SLAMF9: variants seen among roughly 807,000 people sequenced by gnomAD.
SLAMF9 encodes the protein SLAM family member 9.
In SLAMF9, 25 loss-of-function variants were observed where a neutral mutation model predicts 30.4. The ratio of observed to expected loss-of-function variants is 0.82; its 90% CI spans 0.60 to 1.15. SLAMF9 has a LOEUF of 1.15. Among genes scored for constraint, SLAMF9 ranks in the 50% most tolerant of loss-of-function variants. SLAMF9 has a pLI of 0.00. For synonymous variants in SLAMF9, 129 were observed against 127.2 expected, an observed-to-expected ratio of 1.01 and a Z score of -0.09; for missense variants, 344 against 346.1, an observed-to-expected ratio of 0.99 and a Z score of 0.05.
At chr1:159,976,482 T>G in the SLAMF9 span, among the ~76,000 whole-genome samples, 1 of 152,246 alleles carries the variant, frequency 6.6e-6, no homozygotes, top group Non-Finnish European at 1.5e-5. Context: ...AAGGGAAGAC[T>G]GGGTAACCAA....
At chr1:159,956,684 A>AG (rs1651928661), upstream of SLAMF9, among the ~76,000 whole-genome samples, 8 of 150,506 alleles carry the variant, frequency 5.3e-5, no homozygotes, top group Non-Finnish European at 1.0e-4. Context: ...AAAACAAAAC[A>AG]AAACAACAAC....
At chr1:159,970,059 AATAAATAAATAAATAG>A in the SLAMF9 span, among the ~76,000 whole-genome samples, 1 of 152,126 alleles carries the variant, frequency 6.6e-6, no homozygotes, top group African/African-American at 2.4e-5. Context: ...GACACTTCTC[AATAAATAAATAAATAG>A]ATAAATAAAT....
the SLAMF9 span, chr1:159,976,969 AGAAGGAAAGAAG>A: frequency 5.3e-3 from 220 of 41,300 alleles, 4 homozygotes; most frequent in African/African-American, 0.011. Flanking sequence ...AGAGAAAGAA[AGAAGGAAAGAAG>A]GAAAGAAGGA....
chr1:159,967,255 A>G, the SLAMF9 span, among the ~76,000 whole-genome samples: 2 of 152,158 alleles, frequency 1.3e-5, no homozygotes, highest in Admixed American at 6.5e-5. Flanking sequence ...CTTGTCTTAC[A>G]TTTGTTATTT....
chr1:159,955,270 C>T (rs1651898349), upstream of SLAMF9, among the ~76,000 whole-genome samples: 1 of 152,174 alleles, frequency 6.6e-6, no homozygotes, highest in Non-Finnish European at 1.5e-5. Context: ...GCAGTCAAAG[C>T]TGTTCTGGAT....
the SLAMF9 span, among the ~76,000 whole-genome samples, chr1:159,979,540 T>C: frequency 2.0e-5 from 3 of 152,148 alleles, no homozygotes; most frequent in Non-Finnish European, 4.4e-5. Flanking sequence ...AATCTGAGCT[T>C]CAAAAGGCAA....
chr1:159,952,275 C>T lies in SLAMF9; in HGVS notation c.651G>A (p.Gly217=). 6.2e-7 allele frequency: 1 copy of T among 1,613,940 alleles called. No homozygotes were observed. Among genetic ancestry groups the T allele is most frequent in the Non-Finnish European group, 8.5e-7 (1 of 1,179,966 alleles). Residue 217 remains glycine (G), a synonymous_variant, in exon 3 of 4, where the codon GGG becomes GGA. Transcript: ENST00000368093. The part of the protein sequence containing the change: ...SNVSSCPIPD[G]PFYADPNYAS... ...GGGTTCTGGTACCTGCATAGAAGGG[C>T]CCATCAGGGATGGGGCAAGAACTGA...
At chr1:159,958,359 G>A (rs1651974836), upstream of SLAMF9, among the ~76,000 whole-genome samples, 1 of 152,170 alleles carries the variant, frequency 6.6e-6, no homozygotes, top group South Asian at 2.1e-4. Flanking sequence ...TGCCTATTGA[G>A]GAGAGGAAAA....
chr1:159,960,933 G>A, the SLAMF9 span, among the ~76,000 whole-genome samples: 2 of 152,200 alleles, frequency 1.3e-5, no homozygotes, highest in African/African-American at 2.4e-5. Context: ...GTTCCTCAGA[G>A]GGATTGGGCC....
rs754800811 is a variant in SLAMF9 at position 159,952,410 on chromosome 1, C to T, written c.516G>A (p.Arg172=). ...GMDMTYSWLS[R]GDSTYTFHEG... ...CATGGAATGTATAAGTGCTATCCCC[C>T]CGGGAGAGCCAGCTGTAGGTCATAT... The change falls in exon 3 of 4, where the codon CGG becomes CGA. Residue 172 remains arginine (R), a synonymous_variant. Transcript: ENST00000368093. The T allele has an allele frequency of 1.2e-6, 2 of 1,614,068 alleles. No individual in the cohort carries two copies. Among genetic ancestry groups the T allele is most frequent in the Non-Finnish European group, 1.7e-6 (2 of 1,180,004 alleles).
chr1:159,981,929 T>C, the SLAMF9 span, among the ~76,000 whole-genome samples: 2 of 152,260 alleles, frequency 1.3e-5, no homozygotes, highest in South Asian at 2.1e-4. Context: ...CCCAGCCTGC[T>C]CTCCTTTCCC....
the SLAMF9 span, chr1:159,976,948 G>GA: frequency 1.8e-4 from 1 of 5,442 alleles, no homozygotes; most frequent in South Asian, 8.1e-3. Flanking sequence ...AAGAAAGAAA[G>GA]AAAGAAAGAA....
At chr1:159,966,414 A>G in the SLAMF9 span, among the ~76,000 whole-genome samples, 1 of 152,234 alleles carries the variant, frequency 6.6e-6, no homozygotes. Context: ...TATAATAAAC[A>G]TGGGAGTTCA....
intron 3 of SLAMF9, 63 bp from the exon 4 acceptor site, chr1:159,951,929 G>T: frequency 7.0e-7 from 1 of 1,435,640 alleles, no homozygotes; most frequent in Non-Finnish European, 9.7e-7. Flanking sequence ...GATTTGGGCA[G>T]ACTCCTACCC....
Position 159,953,535 on chromosome 1 carries a change from C to T in SLAMF9, c.165G>A (p.Trp55Ter). 2 of 1,614,200 alleles carry T rather than the reference C, an allele frequency of 1.2e-6. No homozygotes were observed. Among genetic ancestry groups the T allele is most frequent in the Non-Finnish European group, 1.7e-6 (2 of 1,180,028 alleles). ...CAGTGGCAAGACTTTTGTGAGAGGA[C>T]CAGATGATGTTCTCAACCTCTTCAT... ...PPDEEVENII[W>*]SSHKSLATVV... Residue 55 changes from tryptophan (W) to a stop codon, truncating the protein, a stop_gained, in exon 2 of 4, where the codon TGG becomes TGA. Transcript: ENST00000368093. LOFTEE classifies it high-confidence loss of function.
chr1:159,968,059 C>T, the SLAMF9 span, among the ~76,000 whole-genome samples: 1 of 152,168 alleles, frequency 6.6e-6, no homozygotes, highest in East Asian at 1.9e-4. Context: ...GACAATTTCA[C>T]TTCTTCCTTT....
the SLAMF9 span, among the ~76,000 whole-genome samples, chr1:159,971,726 C>T: frequency 0.024 from 3,605 of 152,160 alleles, 97 homozygotes; most frequent in African/African-American, 0.068. Context: ...AAGGTTAGGA[C>T]GTGCAGTAGA....
At chr1:159,965,154 G>A in the SLAMF9 span, among the ~76,000 whole-genome samples, 1 of 152,262 alleles carries the variant, frequency 6.6e-6, no homozygotes, top group Non-Finnish European at 1.5e-5. Context: ...GGACACAGCA[G>A]TGAACAGGAA....
At position 159,951,744 on chromosome 1, in the gene SLAMF9, G is replaced by C; in HGVS notation, c.787C>G (p.His263Asp). 6.2e-7 allele frequency: 1 copy of C among 1,614,164 alleles called. No individual in the cohort carries two copies. Residue 263 changes from histidine to aspartate, a missense_variant, in exon 4 of 4, where the codon CAC (histidine) becomes GAC (aspartate). Transcript: ENST00000368093. ...AGTTTCTTCATCCTTGGCATTTTGT[G>C]TCTTTTCTGGACTCGGATGACCCAG... is the stretch of plus-strand genomic sequence containing the variant. The part of the protein sequence containing the change: ...GLWVIRVQKR[H>D]KMPRMKKLMR...
Sources: allele counts gnomAD v4.1 joint callset (sites outside exome capture counted in the v4.1 genomes callset), GRCh38; gene constraint gnomAD v4.1.1; transcripts MANE v1.5; gene names NCBI Gene and HGNC (gene_info 2026-07-23, HGNC 2026-07-21).